MAP2K6: variants seen among roughly 807,000 people sequenced by gnomAD.
MAP2K6 encodes the protein dual specificity mitogen-activated protein kinase kinase 6.
A neutral mutation model predicts 53.7 loss-of-function variants in MAP2K6; 16 were observed. That is an observed-to-expected ratio of 0.30 (90% CI 0.20 to 0.45). The LOEUF is 0.45. MAP2K6 is among the 20% of genes least tolerant of loss of function. The probability of loss-of-function intolerance (pLI) is 1.00; values close to 1 mark genes in which losing one functional copy is unlikely to be tolerated. For missense variants in MAP2K6, 204 were observed against 411.9 expected (o/e 0.50, Z 4.37); for synonymous variants, 132 against 143.1 (o/e 0.92, Z 0.55).
intron 1 of MAP2K6, among the ~76,000 whole-genome samples, chr17:69,453,622 A>G (rs147280872): frequency 3.3e-5 from 5 of 152,314 alleles, no homozygotes; most frequent in Non-Finnish European, 2.9e-5. Context: ...TGAATTGCTT[A>G]TTGATTGATA....
intron 1 of MAP2K6, among the ~76,000 whole-genome samples, chr17:69,458,333 G>C (rs147757419): frequency 6.6e-6 from 1 of 152,156 alleles, no homozygotes. Flanking sequence ...GATTCCAGGC[G>C]TGAGCCACTG....
chr17:69,516,953 A>G (rs1164605946), intron 3 of MAP2K6, 50 bp downstream of exon 3: 3 of 1,384,658 alleles, frequency 2.2e-6, no homozygotes, highest in African/African-American at 1.4e-5. Context: ...TTTTATATGT[A>G]TGCTTTCTGA....
chr17:69,495,940 A>C (rs543709084), intron 1 of MAP2K6, among the ~76,000 whole-genome samples: 228 of 152,250 alleles, frequency 1.5e-3, no homozygotes, highest in Non-Finnish European at 2.8e-3. Flanking sequence ...AGACAGTAGG[A>C]GTTCCCTACT....
intron 10 of MAP2K6, among the ~76,000 whole-genome samples, chr17:69,535,289 T>TA (rs1265850555): frequency 6.6e-6 from 1 of 152,196 alleles, no homozygotes; most frequent in African/African-American, 2.4e-5. Context: ...ACAAGTAGTA[T>TA]TACCTTAGAA....
intron 1 of MAP2K6, among the ~76,000 whole-genome samples, chr17:69,498,650 C>CTA: frequency 6.9e-6 from 1 of 145,534 alleles, no homozygotes; most frequent in East Asian, 2.0e-4. Flanking sequence ...CACCTGGAAG[C>CTA]CACACACACA....
chr17:69,485,302 A>ATT, intron 1 of MAP2K6: 1 of 156,388 alleles, frequency 6.4e-6, no homozygotes, highest in South Asian at 2.1e-4. Flanking sequence ...CTTCTGAGTC[A>ATT]TTTTTTTTTT....
At chr17:69,513,215 A>G (rs1428039047) in intron 2 of MAP2K6, among the ~76,000 whole-genome samples, 2 of 152,242 alleles carry the variant, frequency 1.3e-5, no homozygotes, top group Non-Finnish European at 2.9e-5. Flanking sequence ...GATGAGCCCA[A>G]GGGCCTGCGG....
At chr17:69,481,150 TC>T (rs1908338231) in intron 1 of MAP2K6, among the ~76,000 whole-genome samples, 1 of 152,168 alleles carries the variant, frequency 6.6e-6, no homozygotes, top group South Asian at 2.1e-4. Flanking sequence ...CCCAGTTTTT[TC>T]CCCCTCCTCC....
chr17:69,497,484 A>G (rs1008434428), intron 1 of MAP2K6, among the ~76,000 whole-genome samples: 1 of 152,046 alleles, frequency 6.6e-6, no homozygotes, highest in African/African-American at 2.4e-5. Flanking sequence ...CACAGTTTCA[A>G]AACATCCTGA....
chr17:69,437,555 A>G (rs1375894606), intron 1 of MAP2K6, among the ~76,000 whole-genome samples: 1 of 152,252 alleles, frequency 6.6e-6, no homozygotes, highest in Non-Finnish European at 1.5e-5. Flanking sequence ...CTGTATATGT[A>G]TATATTTTTA....
chr17:69,498,155 A>T (rs1180419658), intron 1 of MAP2K6, among the ~76,000 whole-genome samples: 1 of 152,214 alleles, frequency 6.6e-6, no homozygotes, highest in Non-Finnish European at 1.5e-5. Flanking sequence ...AAAGATAGAG[A>T]TAACACAGTG....
chr17:69,522,920 G>A (rs570089021), intron 7 of MAP2K6, among the ~76,000 whole-genome samples: 2 of 151,538 alleles, frequency 1.3e-5, no homozygotes, highest in Non-Finnish European at 2.9e-5. Context: ...AGTTAGCTGG[G>A]CATGGTGGTT....
intron 1 of MAP2K6, among the ~76,000 whole-genome samples, chr17:69,445,200 CA>C: frequency 6.6e-6 from 1 of 152,192 alleles, no homozygotes. Context: ...AGATTACAGG[CA>C]TAAGCCACCA....
At chr17:69,461,749 C>G (rs1421833101) in intron 1 of MAP2K6, among the ~76,000 whole-genome samples, 1 of 152,164 alleles carries the variant, frequency 6.6e-6, no homozygotes, top group Non-Finnish European at 1.5e-5. Context: ...CCAAGTCTAA[C>G]TCAGATAGTG....
chr17:69,535,858 G>A (rs1323271258), intron 10 of MAP2K6, among the ~76,000 whole-genome samples: 1 of 148,114 alleles, frequency 6.8e-6, no homozygotes, highest in Non-Finnish European at 1.5e-5. Context: ...GCATATCATC[G>A]GTAAAGTATC....
chr17:69,529,533 C>T (rs370839004), intron 10 of MAP2K6, among the ~76,000 whole-genome samples: 3 of 104,392 alleles, frequency 2.9e-5, no homozygotes, highest in African/African-American at 7.8e-5. Flanking sequence ...TTTTTGGAGA[C>T]GGAGTTTTGC....
At chr17:69,498,749 T>C (rs190107885) in intron 1 of MAP2K6, among the ~76,000 whole-genome samples, 19 of 152,156 alleles carry the variant, frequency 1.2e-4, no homozygotes, top group Admixed American at 2.6e-4. Context: ...CAGGGCGTTA[T>C]CCAGTTTCCT....
At chr17:69,504,493 T>C (rs1475427389) in intron 1 of MAP2K6, 1 of 152,238 alleles carries the variant, frequency 6.6e-6, no homozygotes, top group Non-Finnish European at 1.5e-5. Flanking sequence ...GCCAGGATGG[T>C]CTCCATCTCC....
intron 1 of MAP2K6, among the ~76,000 whole-genome samples, chr17:69,428,415 T>A (rs1377368009): frequency 2.6e-5 from 4 of 152,252 alleles, no homozygotes; most frequent in Non-Finnish European, 5.9e-5. Context: ...TCTGCCTGTC[T>A]GTGTCTGTAT....
Sources: gnomAD v4.1 joint callset for allele counts (sites outside exome capture counted in the v4.1 genomes callset) on GRCh38, gnomAD v4.1.1 for gene constraint, MANE v1.5 for transcripts, NCBI Gene and HGNC (gene_info 2026-07-23, HGNC 2026-07-21) for gene names.